The following TSPEAR variants were observed in gnomAD, a reference collection of about 807,000 sequenced individuals.
TSPEAR encodes the protein thrombospondin type laminin G domain and EAR repeats, also known as thrombospondin-type laminin G domain and EAR repeat-containing protein.
Under a neutral mutation model 71.6 loss-of-function variants are expected in TSPEAR, and 69 were observed. The observed-to-expected ratio is 0.96, with a 90% CI of 0.79 to 1.18. TSPEAR has a LOEUF of 1.18. Ranked by LOEUF, TSPEAR falls within the 50% of genes most tolerant of loss-of-function variation. The pLI is 0.00. For synonymous variants in TSPEAR, 402 were observed against 387.2 expected (o/e 1.04, Z -0.45); for missense variants, 971 against 894.9 (o/e 1.09, Z -1.09).
chr21:44,682,731 G>T (rs549393961), intron 1 of TSPEAR, among the ~76,000 whole-genome samples: 1 of 152,304 alleles, frequency 6.6e-6, no homozygotes, highest in East Asian at 1.9e-4. Context: ...CTCTCTGCTG[G>T]GGCAGGCTTC....
At chr21:44,574,521 A>G (rs1380811736) in intron 1 of TSPEAR, 1 of 1,607,752 alleles carries the variant, frequency 6.2e-7, no homozygotes, top group Non-Finnish European at 8.5e-7. Flanking sequence ...CCAGCAGTCT[A>G]GCTGCCAGCC....
chr21:44,638,035 C>T, intron 1 of TSPEAR: 1 of 1,608,072 alleles, frequency 6.2e-7, no homozygotes, highest in South Asian at 1.1e-5. Flanking sequence ...GCGTGCCCGT[C>T]CCCTCCTGCG....
At chr21:44,696,483 G>A (rs1987338507) in intron 1 of TSPEAR, among the ~76,000 whole-genome samples, 1 of 152,314 alleles carries the variant, frequency 6.6e-6, no homozygotes, top group East Asian at 1.9e-4. Flanking sequence ...TACTTTACAA[G>A]GTTGATGTAT....
intron 1 of TSPEAR, among the ~76,000 whole-genome samples, chr21:44,578,815 T>A (rs1272525241): frequency 2.0e-5 from 3 of 152,086 alleles, no homozygotes; most frequent in Non-Finnish European, 4.4e-5. Context: ...ACCTGTGCCC[T>A]CCAGTGTCGC....
intron 2 of TSPEAR, chr21:44,557,648 C>T (rs13047293): frequency 4.3e-6 from 1 of 233,942 alleles, no homozygotes; most frequent in Non-Finnish European, 8.4e-6. Flanking sequence ...AGACCCCGCA[C>T]AGCGGGAAGT....
intron 8 of TSPEAR, among the ~76,000 whole-genome samples, chr21:44,524,967 G>GCAGT (rs60191742): frequency 1.7e-4 from 26 of 150,256 alleles, no homozygotes; most frequent in African/African-American, 2.9e-4. Flanking sequence ...ACTCTTTGAG[G>GCAGT]CAGTCAGTCA....
rs145128155 is a variant in TSPEAR at position 44,667,063 on chromosome 21, C to G, written c.82+44370G>C. 3.4e-3 allele frequency: 2,576 copies of G among 756,230 alleles called. 6 individuals are homozygous for G. Among genetic ancestry groups the G allele is most frequent in the Non-Finnish European group, 5.1e-3 (2,393 of 468,282 alleles). 46.8% of individuals were successfully genotyped at this position (756,230 alleles called of 1,614,324 possible). ...GCTTAATTTTCTGTTGTAGGTGTCT[C>G]TGGGTTTTGTTTGGCCCTTAGCTTC... On this transcript the variant is annotated intron_variant, in intron 1 of 11. Coordinates refer to ENST00000323084, the MANE Select transcript of TSPEAR (RefSeq NM_144991.3).
chr21:44,592,867 C>G (rs2030769655), intron 1 of TSPEAR, among the ~76,000 whole-genome samples: 1 of 152,150 alleles, frequency 6.6e-6, no homozygotes, highest in African/African-American at 2.4e-5. Context: ...GTGAAAACCC[C>G]TCATCCAGCG....
chr21:44,562,590 C>T (rs2053652732), intron 2 of TSPEAR, among the ~76,000 whole-genome samples: 1 of 151,990 alleles, frequency 6.6e-6, no homozygotes, highest in African/African-American at 2.4e-5. Flanking sequence ...TACTGAAAGT[C>T]AAAAACAAGG....
intron 1 of TSPEAR, among the ~76,000 whole-genome samples, chr21:44,706,101 G>A (rs1415929706): frequency 6.6e-6 from 1 of 152,188 alleles, no homozygotes; most frequent in African/African-American, 2.4e-5. Context: ...ACCCCCAGCT[G>A]CAGATCGAGG....
chr21:44,543,200 G>A (rs1289880081), intron 2 of TSPEAR, among the ~76,000 whole-genome samples: 1 of 152,048 alleles, frequency 6.6e-6, no homozygotes, highest in Non-Finnish European at 1.5e-5. Flanking sequence ...AGGAAATGAA[G>A]TGTAACAAAA....
At chr21:44,652,879 G>A (rs2146253146) in intron 1 of TSPEAR, among the ~76,000 whole-genome samples, 1 of 152,220 alleles carries the variant, frequency 6.6e-6, no homozygotes, top group South Asian at 2.1e-4. Flanking sequence ...TCTTCTGGCG[G>A]GGTGTGGTGG....
chr21:44,708,856 C>G (rs1222012575), intron 1 of TSPEAR, among the ~76,000 whole-genome samples: 1 of 152,358 alleles, frequency 6.6e-6, no homozygotes, highest in African/African-American at 2.4e-5. Context: ...GGGCCCTGGC[C>G]TGTGGCTGCC....
intron 1 of TSPEAR, among the ~76,000 whole-genome samples, chr21:44,674,387 A>T (rs1400930267): frequency 1.3e-5 from 2 of 152,034 alleles, no homozygotes; most frequent in Non-Finnish European, 2.9e-5. Flanking sequence ...ATCAGAAATG[A>T]AAAAGGAGAC....
intron 1 of TSPEAR, among the ~76,000 whole-genome samples, chr21:44,709,753 A>C (rs558726957): frequency 6.6e-6 from 1 of 152,230 alleles, no homozygotes; most frequent in South Asian, 2.1e-4. Context: ...AATCCCACAG[A>C]AGCCTACAGA....
chr21:44,562,738 A>G (rs2053655148), intron 2 of TSPEAR, among the ~76,000 whole-genome samples: 1 of 152,188 alleles, frequency 6.6e-6, no homozygotes, highest in Admixed American at 6.5e-5. Flanking sequence ...CAAAGAAAAA[A>G]AAGTCAGCCA....
chr21:44,698,957 T>C (rs1987518394), intron 1 of TSPEAR, among the ~76,000 whole-genome samples: 1 of 152,150 alleles, frequency 6.6e-6, no homozygotes, highest in African/African-American at 2.4e-5. Flanking sequence ...TCCCAGCATT[T>C]TGGGAGACTG....
intron 1 of TSPEAR, among the ~76,000 whole-genome samples, chr21:44,607,695 A>T (rs1981402493): frequency 6.6e-6 from 1 of 152,236 alleles, no homozygotes; most frequent in Non-Finnish European, 1.5e-5. Context: ...ATTGAAATAG[A>T]TGACCAATAC....
chr21:44,526,968 C>T (rs587599202), intron 7 of TSPEAR, among the ~76,000 whole-genome samples: 34 of 152,284 alleles, frequency 2.2e-4, no homozygotes, highest in Admixed American at 1.2e-3. Flanking sequence ...CTTTCTGAAA[C>T]GATTTGTGGG....
Sources: gnomAD v4.1 joint callset for allele counts (sites outside exome capture counted in the v4.1 genomes callset) on GRCh38, gnomAD v4.1.1 for gene constraint, MANE v1.5 for transcripts, NCBI Gene and HGNC (gene_info 2026-07-23, HGNC 2026-07-21) for gene names.